The following ADK variants were observed in gnomAD, a reference collection of about 807,000 sequenced individuals.
ADK encodes adenosine kinase.
Under a neutral mutation model 44.7 loss-of-function variants are expected in ADK, and 24 were observed. The observed-to-expected ratio is 0.54, with a 90% CI of 0.39 to 0.76. The LOEUF (loss-of-function observed/expected upper bound fraction) is 0.76. Among genes scored for constraint, ADK ranks in the 30% least tolerant of loss-of-function variants. The pLI, the probability that ADK is intolerant of heterozygous loss-of-function variation, is 0.00. For synonymous variants in ADK, 128 were observed against 142.6 expected (o/e 0.90, Z 0.73); for missense variants, 321 against 425.1 (o/e 0.76, Z 2.15).
chr10:74,456,306 A>C (rs1457471704), intron 6 of ADK, among the ~76,000 whole-genome samples: 1 of 152,130 alleles, frequency 6.6e-6, no homozygotes, highest in African/African-American at 2.4e-5. Context: ...ACTCCTCAGC[A>C]CAAGCAAAAT....
intron 1 of ADK, among the ~76,000 whole-genome samples, chr10:74,162,562 T>TGTGA (rs1491451885): frequency 2.7e-4 from 37 of 134,712 alleles, no homozygotes; most frequent in African/African-American, 8.5e-4. Flanking sequence ...TGTGTGTGTG[T>TGTGA]GAGACAGAGT....
chr10:74,167,299 G>A (rs1436475010), intron 1 of ADK, among the ~76,000 whole-genome samples: 2 of 152,170 alleles, frequency 1.3e-5, no homozygotes, highest in African/African-American at 2.4e-5. Flanking sequence ...GAGCCACTGT[G>A]TCTGGCCAAA....
At chr10:74,253,395 G>C (rs1006456713) in intron 3 of ADK, among the ~76,000 whole-genome samples, 1 of 152,178 alleles carries the variant, frequency 6.6e-6, no homozygotes, top group East Asian at 1.9e-4. Flanking sequence ...ACTCCTGGGT[G>C]TTCTCATAGC....
intron 4 of ADK, among the ~76,000 whole-genome samples, chr10:74,387,393 A>G (rs1347663209): frequency 1.3e-5 from 2 of 152,246 alleles, no homozygotes; most frequent in East Asian, 1.9e-4. Flanking sequence ...AGAATTTTGC[A>G]GTGCCTAACA....
intron 10 of ADK, among the ~76,000 whole-genome samples, chr10:74,671,089 T>A (rs1004169447): frequency 6.6e-6 from 1 of 150,548 alleles, no homozygotes; most frequent in Admixed American, 6.6e-5. Context: ...TGTCCCTTTT[T>A]CTCTGGAGGA....
At chr10:74,308,472 C>T (rs1840328287) in intron 3 of ADK, among the ~76,000 whole-genome samples, 1 of 152,144 alleles carries the variant, frequency 6.6e-6, no homozygotes, top group Admixed American at 6.5e-5. Context: ...CCTCACTAAA[C>T]ATTTGTGGTA....
At chr10:74,305,618 G>A (rs1840219519) in intron 3 of ADK, among the ~76,000 whole-genome samples, 2 of 152,004 alleles carry the variant, frequency 1.3e-5, no homozygotes, top group Non-Finnish European at 2.9e-5. Context: ...GTATGAGTGT[G>A]GATTTTGTGT....
At chr10:74,304,894 A>G (rs1184228798) in intron 3 of ADK, among the ~76,000 whole-genome samples, 2 of 152,216 alleles carry the variant, frequency 1.3e-5, no homozygotes, top group Non-Finnish European at 2.9e-5. Flanking sequence ...TGTGTTTTAC[A>G]AATGAGGAAA....
chr10:74,312,061 G>A (rs937414322), intron 3 of ADK, among the ~76,000 whole-genome samples: 5 of 152,254 alleles, frequency 3.3e-5, no homozygotes, highest in Admixed American at 1.3e-4. Flanking sequence ...AGCTACTTGG[G>A]AGGCTGAGGC....
intron 7 of ADK, among the ~76,000 whole-genome samples, chr10:74,581,141 A>G (rs1851361120): frequency 6.6e-6 from 1 of 152,188 alleles, no homozygotes; most frequent in African/African-American, 2.4e-5. Context: ...TAGAAATGAT[A>G]CAGATGTTAG....
intron 3 of ADK, among the ~76,000 whole-genome samples, chr10:74,274,175 A>T (rs1846562429): frequency 1.3e-5 from 2 of 152,228 alleles, no homozygotes; most frequent in Admixed American, 1.3e-4. Context: ...GTGTACCAGA[A>T]GTCCTACCAG....
chr10:74,332,320 T>A (rs1348163989), intron 4 of ADK, among the ~76,000 whole-genome samples: 1 of 152,244 alleles, frequency 6.6e-6, no homozygotes, highest in Non-Finnish European at 1.5e-5. Context: ...TGTATTTTTT[T>A]ATTTCTGTAC....
At chr10:74,187,824 A>G (rs1842812772) in intron 1 of ADK, among the ~76,000 whole-genome samples, 1 of 152,086 alleles carries the variant, frequency 6.6e-6, no homozygotes. Flanking sequence ...ATTTTCAATT[A>G]ATTGATTAGA....
intron 2 of ADK, among the ~76,000 whole-genome samples, chr10:74,220,043 GAC>G (rs1844235338): frequency 6.6e-6 from 1 of 151,272 alleles, no homozygotes; most frequent in Non-Finnish European, 1.5e-5. Flanking sequence ...AGGAAATAGA[GAC>G]ACAAAAAACC....
At chr10:74,500,182 T>C (rs1003880894) in intron 6 of ADK, among the ~76,000 whole-genome samples, 2 of 152,218 alleles carry the variant, frequency 1.3e-5, no homozygotes, top group Middle Eastern at 3.2e-3. Flanking sequence ...TCATTTTTTA[T>C]CCAGATCATA....
chr10:74,584,826 C>G (rs1006789039), intron 7 of ADK, among the ~76,000 whole-genome samples: 1 of 152,154 alleles, frequency 6.6e-6, no homozygotes, highest in Admixed American at 6.5e-5. Flanking sequence ...TCCATTCCCC[C>G]TTGGCTTGTC....
At chr10:74,679,715 A>G (rs1855529955) in intron 10 of ADK, among the ~76,000 whole-genome samples, 1 of 152,138 alleles carries the variant, frequency 6.6e-6, no homozygotes, top group Admixed American at 6.6e-5. Context: ...TAATCCCAGC[A>G]CTTTGGGAGG....
At chr10:74,463,459 A>G (rs1846241920) in intron 6 of ADK, among the ~76,000 whole-genome samples, 2 of 152,126 alleles carry the variant, frequency 1.3e-5, no homozygotes, top group Admixed American at 6.6e-5. Context: ...CACATGCACA[A>G]TTCACAATAG....
At chr10:74,521,927 ATTG>A (rs1848852097) in intron 6 of ADK, among the ~76,000 whole-genome samples, 1 of 152,214 alleles carries the variant, frequency 6.6e-6, no homozygotes, top group Non-Finnish European at 1.5e-5. Flanking sequence ...GATGAGAAAT[ATTG>A]TTATTATACA....
Sources: allele counts gnomAD v4.1 joint callset (sites outside exome capture counted in the v4.1 genomes callset), GRCh38; gene constraint gnomAD v4.1.1; transcripts MANE v1.5; gene names NCBI Gene and HGNC (gene_info 2026-07-23, HGNC 2026-07-21).